GALNT17: variants seen among roughly 807,000 people sequenced by gnomAD.
The protein encoded by GALNT17 is UDP-GalNAc:polypeptide N-acetylgalactosaminyltransferase-like 3.
Under a neutral mutation model 63.7 loss-of-function variants are expected in GALNT17, and 29 were observed. That is an observed-to-expected ratio of 0.46 (90% CI 0.34 to 0.62). The LOEUF (loss-of-function observed/expected upper bound fraction) is 0.62, where lower values mean the gene tolerates loss of function less well. Ranked by LOEUF, GALNT17 falls within the 20% of genes least tolerant of loss-of-function variation. The pLI is 0.01. For missense variants in GALNT17, 603 were observed against 799.6 expected (o/e 0.75, Z 2.97); for synonymous variants, 305 against 318.3 (o/e 0.96, Z 0.45).
At chr7:71,391,694 T>C (rs1793054830) in intron 3 of GALNT17, among the ~76,000 whole-genome samples, 1 of 152,136 alleles carries the variant, frequency 6.6e-6, no homozygotes, top group Admixed American at 6.5e-5. Flanking sequence ...GGCATGTTGC[T>C]TAGGCTAGTC....
chr7:71,476,311 C>A (rs189493573), intron 5 of GALNT17, among the ~76,000 whole-genome samples: 183 of 152,276 alleles, frequency 1.2e-3, no homozygotes, highest in African/African-American at 4.2e-3. Context: ...GGTTACCCTG[C>A]CCTTCCAGCT....
At chr7:71,365,861 C>G (rs1397728517) in intron 2 of GALNT17, among the ~76,000 whole-genome samples, 1 of 151,846 alleles carries the variant, frequency 6.6e-6, no homozygotes, top group Non-Finnish European at 1.5e-5. Context: ...TGATTGTGCA[C>G]TTGTTTCTAT....
chr7:71,422,157 C>T (rs188962363), intron 5 of GALNT17, among the ~76,000 whole-genome samples: 1 of 152,142 alleles, frequency 6.6e-6, no homozygotes, highest in East Asian at 1.9e-4. Context: ...AGGGCTGGGT[C>T]AGGAGGTCTG....
At chr7:71,185,608 C>T (rs1048861515) in intron 1 of GALNT17, among the ~76,000 whole-genome samples, 21 of 149,266 alleles carry the variant, frequency 1.4e-4, no homozygotes, top group Middle Eastern at 3.5e-3. Context: ...CCTGGGTTCA[C>T]GCCATTCTCC....
intron 1 of GALNT17, among the ~76,000 whole-genome samples, chr7:71,180,870 G>A (rs550034442): frequency 6.6e-6 from 1 of 152,288 alleles, no homozygotes; most frequent in South Asian, 2.1e-4. Context: ...TGGGAAGCAG[G>A]TGTGACAAGC....
chr7:71,559,582 C>G (rs889174158), intron 5 of GALNT17, among the ~76,000 whole-genome samples: 10 of 152,130 alleles, frequency 6.6e-5, no homozygotes, highest in Non-Finnish European at 1.3e-4. Context: ...TATGAATCAA[C>G]CAGGCGCAGT....
chr7:71,703,054 C>G (rs1791674456), intron 9 of GALNT17, among the ~76,000 whole-genome samples: 1 of 152,122 alleles, frequency 6.6e-6, no homozygotes. Context: ...ATAGAAGTTT[C>G]AAACAGCCAA....
intron 1 of GALNT17, among the ~76,000 whole-genome samples, chr7:71,271,005 A>G (rs559502723): frequency 6.6e-6 from 1 of 152,308 alleles, no homozygotes; most frequent in Admixed American, 6.5e-5. Context: ...GAATTTCATC[A>G]TGACCCTTTA....
At chr7:71,540,863 G>A (rs1227425665) in intron 5 of GALNT17, among the ~76,000 whole-genome samples, 3 of 152,072 alleles carry the variant, frequency 2.0e-5, no homozygotes, top group South Asian at 2.1e-4. Flanking sequence ...AGCTGCTTTA[G>A]GTCTGCTTCT....
intron 6 of GALNT17, among the ~76,000 whole-genome samples, chr7:71,656,538 C>T (rs887354592): frequency 2.6e-5 from 4 of 151,956 alleles, no homozygotes; most frequent in African/African-American, 4.8e-5. Flanking sequence ...TTTGCAGGGC[C>T]GTGGAATGAT....
rs188835720 is a variant in GALNT17, at chr7:71,247,584, G to A, written c.239-87966G>A. ...CTATTTTCCTGCCTCAGCCTCCCGA[G>A]CAGCTGGGATTACAGGCATGCGCCA... is the stretch of plus-strand genomic sequence containing the variant. On this transcript the variant is annotated intron_variant, in intron 1 of 10. Coordinates refer to ENST00000333538, the MANE Select transcript of GALNT17 (RefSeq NM_022479.3). Among the ~76,000 whole-genome samples, 190 of 152,230 alleles carry A rather than the reference G, an allele frequency of 1.2e-3. 1 individual carries two copies. The highest frequency in any genetic ancestry group is 3.8e-3 in the African/African-American group (157 of 41,562).
chr7:71,409,361 C>CATA (rs1305006793), intron 3 of GALNT17, among the ~76,000 whole-genome samples: 1 of 152,178 alleles, frequency 6.6e-6, no homozygotes, highest in Non-Finnish European at 1.5e-5. Context: ...AGCAGCTCCC[C>CATA]ATTTGAAGCT....
chr7:71,473,676 C>G (rs796673175), intron 5 of GALNT17, among the ~76,000 whole-genome samples: 8 of 152,228 alleles, frequency 5.3e-5, no homozygotes, highest in African/African-American at 1.7e-4. Context: ...TCAGGTTTCT[C>G]TGGGGTCCTT....
intron 1 of GALNT17, among the ~76,000 whole-genome samples, chr7:71,135,457 C>T (rs1262057707): frequency 6.6e-6 from 1 of 152,140 alleles, no homozygotes; most frequent in Non-Finnish European, 1.5e-5. Context: ...TGCTCTGACA[C>T]CCGCCTGAAC....
At chr7:71,544,124 C>CTTTTTTT (rs60144462) in intron 5 of GALNT17, among the ~76,000 whole-genome samples, 280 of 132,352 alleles carry the variant, frequency 2.1e-3, no homozygotes, top group East Asian at 3.8e-3. Context: ...TTTCTTTTTT[C>CTTTTTTT]TTTTTTTTTT....
At chr7:71,254,895 G>A (rs1478244687) in intron 1 of GALNT17, among the ~76,000 whole-genome samples, 1 of 152,238 alleles carries the variant, frequency 6.6e-6, no homozygotes, top group East Asian at 1.9e-4. Context: ...TTGTCTGTCT[G>A]AGGAGAAGAT....
chr7:71,247,472 T>G (rs1347711449), intron 1 of GALNT17, among the ~76,000 whole-genome samples: 1 of 152,118 alleles, frequency 6.6e-6, no homozygotes, highest in African/African-American at 2.4e-5. Flanking sequence ...TTTTTCTTTT[T>G]TGAGATGGAG....
At chr7:71,233,568 C>T (rs560619446) in intron 1 of GALNT17, among the ~76,000 whole-genome samples, 1 of 152,242 alleles carries the variant, frequency 6.6e-6, no homozygotes, top group African/African-American at 2.4e-5. Flanking sequence ...TATGGGAAGC[C>T]AGGATGATCA....
At chr7:71,608,141 C>A (rs1302842801) in intron 6 of GALNT17, among the ~76,000 whole-genome samples, 7 of 152,144 alleles carry the variant, frequency 4.6e-5, no homozygotes, top group Non-Finnish European at 7.3e-5. Context: ...ATCACTAATA[C>A]CTCTTTTTAC....
Sources: allele counts gnomAD v4.1 joint callset (sites outside exome capture counted in the v4.1 genomes callset), GRCh38; gene constraint gnomAD v4.1.1; transcripts MANE v1.5; gene names NCBI Gene and HGNC (gene_info 2026-07-23, HGNC 2026-07-21).